The following DLC1 variants were observed in gnomAD, a reference collection of about 807,000 sequenced individuals.
DLC1 encodes rho GTPase-activating protein 7.
DLC1 carries 54 observed loss-of-function variants against 140.3 expected under a neutral mutation model. That is an observed-to-expected ratio of 0.38 (90% CI 0.31 to 0.48). The LOEUF is 0.48. DLC1 is among the 20% of genes least tolerant of loss of function. The probability of loss-of-function intolerance (pLI) is 0.96; values close to 1 mark genes in which losing one functional copy is unlikely to be tolerated. For missense variants in DLC1, 2,536 were observed against 1,907.0 expected (o/e 1.33, Z -6.14); for synonymous variants, 986 against 728.1 (o/e 1.35, Z -5.70).
intron 5 of DLC1, among the ~76,000 whole-genome samples, chr8:13,134,011 TG>T (rs1266978752): frequency 1.3e-5 from 2 of 152,188 alleles, no homozygotes; most frequent in African/African-American, 2.4e-5. Context: ...AACTGGCCCT[TG>T]GGCCACAGTC....
chr8:13,311,765 G>T (rs965322175), intron 4 of DLC1, among the ~76,000 whole-genome samples: 2 of 152,158 alleles, frequency 1.3e-5, no homozygotes, highest in Admixed American at 1.3e-4. Flanking sequence ...ATATTTTGGT[G>T]CTGCTCACAG....
At chr8:13,127,592 C>T (rs371444275) in intron 5 of DLC1, among the ~76,000 whole-genome samples, 1 of 152,216 alleles carries the variant, frequency 6.6e-6, no homozygotes, top group South Asian at 2.1e-4. Flanking sequence ...TATTTTGTCA[C>T]TTGAGTGTGA....
At chr8:13,353,363 C>G (rs1447893313) in intron 4 of DLC1, 1 of 152,138 alleles carries the variant, frequency 6.6e-6, no homozygotes, top group Non-Finnish European at 1.5e-5. Context: ...CTGTAAAAGA[C>G]TTCACTGTTT....
intron 5 of DLC1, among the ~76,000 whole-genome samples, chr8:13,190,836 G>A (rs899628028): frequency 7.2e-5 from 11 of 152,208 alleles, no homozygotes; most frequent in Non-Finnish European, 1.0e-4. Flanking sequence ...AGATGAAGTC[G>A]CCAAGTGTGG....
At chr8:13,351,509 T>TG (rs1231576570) in intron 4 of DLC1, among the ~76,000 whole-genome samples, 6 of 152,034 alleles carry the variant, frequency 3.9e-5, no homozygotes, top group African/African-American at 1.4e-4. Context: ...TTTGGATGTT[T>TG]GGAAAAAAAA....
chr8:13,526,437 G>A (rs1351380715), intron 1 of DLC1, among the ~76,000 whole-genome samples: 2 of 152,090 alleles, frequency 1.3e-5, no homozygotes, highest in African/African-American at 4.8e-5. Context: ...TATTCCATGA[G>A]CATAATGTAT....
chr8:13,516,880 A>G (rs754298177), upstream of DLC1, among the ~76,000 whole-genome samples: 1 of 152,190 alleles, frequency 6.6e-6, no homozygotes, highest in African/African-American at 2.4e-5. Context: ...AAATGATACA[A>G]AGTGCCCAGG....
At chr8:13,599,135 A>G (rs1293080614) in intron 1 of DLC1, among the ~76,000 whole-genome samples, 2 of 151,924 alleles carry the variant, frequency 1.3e-5, no homozygotes, top group Admixed American at 1.3e-4. Flanking sequence ...ACGTCTGCTT[A>G]TATGGGAAGA....
intron 2 of DLC1, among the ~76,000 whole-genome samples, chr8:13,443,838 T>C (rs1798655235): frequency 6.6e-6 from 1 of 152,118 alleles, no homozygotes; most frequent in African/African-American, 2.4e-5. Flanking sequence ...GGCATGTCTT[T>C]GCTATTAGGC....
chr8:13,098,034 G>GAAAAAA (rs35785512), intron 10 of DLC1, among the ~76,000 whole-genome samples: 3,018 of 67,364 alleles, frequency 0.045, 6 homozygotes, highest in African/African-American at 0.053. Context: ...AAGGAAAAAA[G>GAAAAAA]AAAAAAAAAA....
intron 2 of DLC1, among the ~76,000 whole-genome samples, chr8:13,418,461 T>G (rs1159015741): frequency 2.0e-5 from 3 of 152,194 alleles, no homozygotes; most frequent in Non-Finnish European, 4.4e-5. Context: ...GCACCATTTA[T>G]TAAATAGGGA....
At chr8:13,150,945 C>G (rs2128977273) in intron 5 of DLC1, among the ~76,000 whole-genome samples, 1 of 152,288 alleles carries the variant, frequency 6.6e-6, no homozygotes, top group South Asian at 2.1e-4. Context: ...TTGCTACATT[C>G]TATTAGGGAC....
At chr8:13,392,340 G>A (rs1361597407) in intron 4 of DLC1, among the ~76,000 whole-genome samples, 1 of 152,058 alleles carries the variant, frequency 6.6e-6, no homozygotes, top group East Asian at 1.9e-4. Context: ...TATAGTAGAT[G>A]TTCAATAAAT....
At chr8:13,588,821 G>A (rs191534831) in intron 1 of DLC1, among the ~76,000 whole-genome samples, 1 of 152,088 alleles carries the variant, frequency 6.6e-6, no homozygotes, top group African/African-American at 2.4e-5. Context: ...AGAGGTCATG[G>A]CTACTCTTCT....
At chr8:13,538,708 A>G (rs2117325207) in intron 1 of DLC1, among the ~76,000 whole-genome samples, 1 of 152,296 alleles carries the variant, frequency 6.6e-6, no homozygotes, top group East Asian at 1.9e-4. Context: ...GATGGACTTA[A>G]TGTCATTATG....
At chr8:13,502,469 T>C (rs903349091) in intron 1 of DLC1, among the ~76,000 whole-genome samples, 1 of 152,216 alleles carries the variant, frequency 6.6e-6, no homozygotes, top group Non-Finnish European at 1.5e-5. Flanking sequence ...AATGAATGTC[T>C]GCAAGCTCTC....
chr8:13,331,181 T>C (rs1265061661), intron 4 of DLC1, among the ~76,000 whole-genome samples: 1 of 152,210 alleles, frequency 6.6e-6, no homozygotes, highest in Non-Finnish European at 1.5e-5. Flanking sequence ...AGATTGGTGG[T>C]TTGTAAACAA....
chr8:13,153,237 G>C (rs1489998567), intron 5 of DLC1, among the ~76,000 whole-genome samples: 1 of 152,132 alleles, frequency 6.6e-6, no homozygotes, highest in Non-Finnish European at 1.5e-5. Context: ...GGTCTCGCAG[G>C]CTTCTGGAGT....
chr8:13,128,377 C>A (rs919825072), intron 5 of DLC1, among the ~76,000 whole-genome samples: 1 of 152,154 alleles, frequency 6.6e-6, no homozygotes, highest in Non-Finnish European at 1.5e-5. Flanking sequence ...TCACTAGACT[C>A]CCCCCATGGA....
Sources: gnomAD v4.1 joint callset for allele counts (sites outside exome capture counted in the v4.1 genomes callset) on GRCh38, gnomAD v4.1.1 for gene constraint, MANE v1.5 for transcripts, NCBI Gene and HGNC (gene_info 2026-07-23, HGNC 2026-07-21) for gene names.